The following BPTF variants were observed in gnomAD, a reference collection of about 807,000 sequenced individuals.
BPTF encodes nucleosome-remodeling factor subunit BPTF.
BPTF carries 18 observed loss-of-function variants against 292.5 expected under a neutral mutation model. That is an observed-to-expected ratio of 0.06 (90% CI 0.04 to 0.09). The LOEUF (loss-of-function observed/expected upper bound fraction) is 0.09. BPTF is among the 10% of genes least tolerant of loss of function. The probability of loss-of-function intolerance (pLI) is 1.00; values close to 1 mark genes in which losing one functional copy is unlikely to be tolerated. For missense variants in BPTF, 2,726 were observed against 3,498.7 expected (o/e 0.78, Z 5.57); for synonymous variants, 1,225 against 1,251.9 (o/e 0.98, Z 0.45).
chr17:67,858,776 C>G (rs1030078637), intron 2 of BPTF, among the ~76,000 whole-genome samples: 6 of 152,128 alleles, frequency 3.9e-5, no homozygotes, highest in Admixed American at 3.3e-4. Flanking sequence ...AGTCCATGCT[C>G]CAATTCTCCC....
chr17:67,953,265 T>G (rs2066563229), intron 23 of BPTF, among the ~76,000 whole-genome samples: 1 of 142,384 alleles, frequency 7.0e-6, no homozygotes, highest in Non-Finnish European at 1.5e-5. Context: ...CTGGCCTTTT[T>G]TTTTTTTTTG....
At chr17:67,852,775 A>G (rs993621518) in intron 1 of BPTF, among the ~76,000 whole-genome samples, 1 of 152,266 alleles carries the variant, frequency 6.6e-6, no homozygotes, top group Non-Finnish European at 1.5e-5. Context: ...TCAAAGGGAC[A>G]TACATTCAGA....
At chr17:67,848,022 C>T (rs1166368761) in intron 1 of BPTF, among the ~76,000 whole-genome samples, 3 of 152,234 alleles carry the variant, frequency 2.0e-5, no homozygotes, top group East Asian at 3.9e-4. Flanking sequence ...ATGAACTTCC[C>T]CCTTCTCTAT....
Position 67,875,014 on chromosome 17 carries a change from T to C in BPTF, c.1858T>C (p.Ser620Pro). The C allele has an allele frequency of 1.2e-6, 2 of 1,601,298 alleles. No individual in the cohort carries two copies. The highest frequency in any genetic ancestry group is 8.5e-7 in the Non-Finnish European group (1 of 1,176,052). Residue 620 changes from serine (S) to proline (P), a missense_variant, in exon 4 of 28, where the codon TCT (serine) becomes CCT (proline). By Grantham distance (74) the Ser-to-Pro change is moderately conservative. This residue lies in a region of BPTF where 187 missense variants were observed against 201.5 expected (regional missense o/e 0.93). Coordinates refer to ENST00000306378, the MANE Select transcript of BPTF (RefSeq NM_182641.4). ...TPDDDPEQGK[S>P]EVGDFKSEKS... is the part of the protein sequence containing the mutation. ...AGATGATGACCCTGAGCAAGGAAAA[T>C]CTGAGGGTAAAAAAATTACTTGATT...
At chr17:67,954,725 G>A (rs1555680151) in intron 23 of BPTF, among the ~76,000 whole-genome samples, 2 of 152,096 alleles carry the variant, frequency 1.3e-5, no homozygotes, top group Non-Finnish European at 2.9e-5. Flanking sequence ...GAAGGGAGAG[G>A]GAAGATCAAA....
chr17:67,973,078 A>ATATATATATATATAAATATATATATT (rs1729495625), intron 26 of BPTF, among the ~76,000 whole-genome samples: 1 of 144,634 alleles, frequency 6.9e-6, no homozygotes, highest in African/African-American at 2.5e-5. Flanking sequence ...ATATATATAT[A>ATATATATATATATAAATATATATATT]ATATATATAT....
chr17:67,860,457 T>C (rs62084238), intron 2 of BPTF, among the ~76,000 whole-genome samples: 1 of 152,204 alleles, frequency 6.6e-6, no homozygotes, highest in Admixed American at 6.5e-5. Flanking sequence ...AAATATGTTA[T>C]TTGTATAGAT....
At chr17:67,833,304 C>T (rs1209738200) in intron 1 of BPTF, among the ~76,000 whole-genome samples, 4 of 150,930 alleles carry the variant, frequency 2.7e-5, no homozygotes, top group African/African-American at 9.7e-5. Flanking sequence ...ACCTCAAACT[C>T]CTGGACTCAG....
chr17:67,929,564 TTAA>T, intron 17 of BPTF, 77 bp downstream of exon 17: 1 of 1,485,714 alleles, frequency 6.7e-7, no homozygotes, highest in Admixed American at 2.1e-5. Flanking sequence ...TCTTCCAAGA[TTAA>T]TCCAACTCAG....
At chr17:67,902,936 C>T (rs2061947331) in intron 7 of BPTF, among the ~76,000 whole-genome samples, 1 of 152,192 alleles carries the variant, frequency 6.6e-6, no homozygotes, top group South Asian at 2.1e-4. Context: ...GGTTTTGCTT[C>T]GTGTCTCTCT....
At chr17:67,960,783 A>T (rs2067405200) in intron 24 of BPTF, among the ~76,000 whole-genome samples, 1 of 152,228 alleles carries the variant, frequency 6.6e-6, no homozygotes, top group Admixed American at 6.5e-5. Flanking sequence ...TCCTAAAATA[A>T]AATTGTGGTC....
At chr17:67,888,382 T>C (rs563066583) in intron 4 of BPTF, among the ~76,000 whole-genome samples, 187 of 151,192 alleles carry the variant, frequency 1.2e-3, no homozygotes, top group Non-Finnish European at 2.1e-3. Context: ...AGGTCAGGAG[T>C]TCGAGACCAG....
intron 3 of BPTF, among the ~76,000 whole-genome samples, chr17:67,868,572 A>T (rs1449118001): frequency 6.6e-6 from 1 of 152,222 alleles, no homozygotes; most frequent in African/African-American, 2.4e-5. Flanking sequence ...CAGAGGGCTG[A>T]CTATAGTGCC....
At chr17:67,897,100 G>A (rs1354359014) in intron 7 of BPTF, among the ~76,000 whole-genome samples, 1 of 151,680 alleles carries the variant, frequency 6.6e-6, no homozygotes, top group Non-Finnish European at 1.5e-5. Flanking sequence ...GGCCAAGGTG[G>A]GCAGTCACCT....
At chr17:67,827,970 C>T (rs1417784218) in intron 1 of BPTF, among the ~76,000 whole-genome samples, 3 of 139,910 alleles carry the variant, frequency 2.1e-5, no homozygotes, top group Non-Finnish European at 4.6e-5. Flanking sequence ...CTTGCTCTGT[C>T]GTCTGGGCTG....
At chr17:67,859,736 GTATT>G (rs2058962581) in intron 2 of BPTF, among the ~76,000 whole-genome samples, 1 of 152,174 alleles carries the variant, frequency 6.6e-6, no homozygotes, top group Non-Finnish European at 1.5e-5. Flanking sequence ...TCTGCAGTGA[GTATT>G]TATGAAATCT....
At position 67,890,323 on chromosome 17, in the gene BPTF, C is replaced by T. The variant is rs114032784; in HGVS notation, c.1865-1521C>T. Among the ~76,000 whole-genome samples the T allele has an allele frequency of 3.7e-3, 566 of 152,126 alleles. 8 individuals are homozygous for T. Among genetic ancestry groups the T allele is most frequent in the African/African-American group, 0.013 (540 of 41,504 alleles). On this transcript the variant is annotated intron_variant, in intron 4 of 27. Coordinates refer to ENST00000306378, the MANE Select transcript of BPTF (RefSeq NM_182641.4). ...TTATCGAGGCTACTTCTGATTTTGC[C>T]GTTTCATATTTTTCTGTTTATTTCT... is the stretch of plus-strand genomic sequence containing the variant.
Position 67,946,506 on chromosome 17 carries a change from C to T in BPTF, c.7617+181C>T, listed in dbSNP as rs1187289282. Among the ~76,000 whole-genome samples the T allele has an allele frequency of 3.9e-5, 6 of 152,204 alleles. No individual in the cohort carries two copies. The South Asian group carries it at 8.3e-4, about 21-fold the overall frequency. On this transcript the variant is annotated intron_variant, in intron 21 of 27. Transcript: ENST00000306378. ...ATGACTACTGTGGTGTGGAACACTTCGTTAGATACATATAATATATAGTCA... is the reference window on the plus strand; with the variant it reads ...ATGACTACTGTGGTGTGGAACACTTTGTTAGATACATATAATATATAGTCA...
At chr17:67,842,061 C>G (rs1055729104) in intron 1 of BPTF, among the ~76,000 whole-genome samples, 3 of 152,036 alleles carry the variant, frequency 2.0e-5, no homozygotes, top group Non-Finnish European at 2.9e-5. Context: ...AAAAGTATTG[C>G]AACCATACAG....
Sources: allele counts gnomAD v4.1 joint callset (sites outside exome capture counted in the v4.1 genomes callset), GRCh38; gene constraint gnomAD v4.1.1; regional missense constraint gnomAD v4.1.1; transcripts MANE v1.5; gene names NCBI Gene and HGNC (gene_info 2026-07-23, HGNC 2026-07-21).